SLC25A48: variants seen among roughly 807,000 people sequenced by gnomAD.
SLC25A48 encodes solute carrier family 25 member 48, also known as CTC-321K16.1.
A neutral mutation model predicts 32.2 loss-of-function variants in SLC25A48; 29 were observed. That is an observed-to-expected ratio of 0.90 (90% confidence interval 0.67 to 1.23). The LOEUF is 1.23. Among genes scored for constraint, SLC25A48 ranks in the 50% most tolerant of loss-of-function variants. The pLI, the probability that SLC25A48 is intolerant of heterozygous loss-of-function variation, is 0.00. For synonymous variants in SLC25A48, 164 were observed against 172.3 expected, an observed-to-expected ratio of 0.95 and a Z score of 0.38; for missense variants, 399 against 422.7, an observed-to-expected ratio of 0.94 and a Z score of 0.49.
chr5:135,696,068 T>C (rs1754260097), intron 3 of SLC25A48, among the ~76,000 whole-genome samples: 2 of 152,168 alleles, frequency 1.3e-5, no homozygotes, highest in Admixed American at 1.3e-4. Context: ...GGCATGGCAA[T>C]AGCATTAAAG....
intron 3 of SLC25A48, among the ~76,000 whole-genome samples, chr5:135,760,428 G>A (rs1756035307): frequency 1.3e-5 from 2 of 152,134 alleles, no homozygotes; most frequent in Non-Finnish European, 1.5e-5. Context: ...GCCAGAAAGT[G>A]GCTCCCCAAG....
chr5:135,604,963 G>A (rs779339614), intron 1 of SLC25A48, among the ~76,000 whole-genome samples: 1 of 152,176 alleles, frequency 6.6e-6, no homozygotes, highest in Non-Finnish European at 1.5e-5. Flanking sequence ...TGCTTATGAA[G>A]CACTTAAAAC....
At chr5:135,641,934 T>A (rs1016780818) in intron 3 of SLC25A48, among the ~76,000 whole-genome samples, 2 of 152,222 alleles carry the variant, frequency 1.3e-5, no homozygotes, top group Admixed American at 6.5e-5. Context: ...TCATATAGCC[T>A]CAGGCTATTG....
chr5:135,736,356 T>C (rs988772636), intron 3 of SLC25A48, among the ~76,000 whole-genome samples: 5 of 152,170 alleles, frequency 3.3e-5, no homozygotes, highest in Admixed American at 6.5e-5. Context: ...CAAGTTTGTA[T>C]TGGGGCCAAG....
intron 3 of SLC25A48, among the ~76,000 whole-genome samples, chr5:135,788,803 TG>T (rs1241900206): frequency 6.8e-6 from 1 of 147,410 alleles, no homozygotes; most frequent in African/African-American, 2.5e-5. Flanking sequence ...CCCCGTGTGG[TG>T]GTGGGGGATG....
Position 135,676,744 on chromosome 5 carries a change from T to C in SLC25A48, c.-521+41788T>C, listed in dbSNP as rs116166867. On this transcript the variant is annotated intron_variant, in intron 3 of 10. Transcript: ENST00000646290. ...AGGGGTTATTCAGGAGCATGTTGTT[T>C]AATTTCTATGTATTTGTACAGTCTC... Among the ~76,000 whole-genome samples the C allele has an allele frequency of 8.9e-3, 1,348 of 152,164 alleles. 20 individuals carry two copies. The highest frequency in any genetic ancestry group is 0.03 in the African/African-American group (1,263 of 41,586).
Position 135,874,718 on chromosome 5 carries a change from C to T in SLC25A48, c.813+564C>T, listed in dbSNP as rs146138485. ...TGTCTCCTCTGTTCTTCCTACAGCT[C>T]AAGAGCTTAACTTAACACACACCCC... On this transcript the variant is annotated intron_variant, in intron 6 of 7. Coordinates refer to ENST00000681962, the MANE Select transcript of SLC25A48 (RefSeq NM_001349336.2). 21 of 702,328 alleles carry T rather than the reference C, an allele frequency of 3.0e-5. No homozygotes were observed. The East Asian group carries it at 5.6e-4, about 19-fold the overall frequency. 43.5% of individuals were successfully genotyped at this position (702,328 alleles called of 1,614,324 possible).
At chr5:135,715,674 G>A (rs1754780566) in intron 3 of SLC25A48, among the ~76,000 whole-genome samples, 2 of 152,344 alleles carry the variant, frequency 1.3e-5, no homozygotes, top group East Asian at 3.9e-4. Flanking sequence ...GGCATTTGTA[G>A]GAGAAAACAA....
intron 3 of SLC25A48, among the ~76,000 whole-genome samples, chr5:135,789,345 T>C (rs376419684): frequency 6.8e-6 from 1 of 147,342 alleles, no homozygotes. Flanking sequence ...TGGCGGGGGG[T>C]GTACAACTTC....
chr5:135,855,586 A>G (rs562043555), intron 4 of SLC25A48, among the ~76,000 whole-genome samples: 26 of 152,234 alleles, frequency 1.7e-4, no homozygotes, highest in Non-Finnish European at 3.1e-4. Context: ...AGGTTTCTGC[A>G]GGCAAATATT....
chr5:135,856,663 G>A (rs568744546), intron 4 of SLC25A48, among the ~76,000 whole-genome samples: 8 of 152,344 alleles, frequency 5.3e-5, no homozygotes, highest in Admixed American at 3.3e-4. Context: ...ACACAGGGCC[G>A]GCAGTTCTTC....
At chr5:135,668,857 A>G (rs912352164) in intron 3 of SLC25A48, among the ~76,000 whole-genome samples, 1 of 152,212 alleles carries the variant, frequency 6.6e-6, no homozygotes, top group Non-Finnish European at 1.5e-5. Flanking sequence ...ATTTAACACA[A>G]TAGGTATATA....
chr5:135,730,101 A>T (rs980628148), intron 3 of SLC25A48, among the ~76,000 whole-genome samples: 5 of 152,196 alleles, frequency 3.3e-5, no homozygotes, highest in African/African-American at 9.7e-5. Context: ...GATAAATAAA[A>T]ATCACCATGA....
At chr5:135,617,280 A>G (rs968032547) in intron 1 of SLC25A48, among the ~76,000 whole-genome samples, 6 of 151,848 alleles carry the variant, frequency 4.0e-5, no homozygotes, top group African/African-American at 1.5e-4. Context: ...GATCTTTTGT[A>G]TTTATGTGGT....
At chr5:135,669,302 G>A (rs1753598142) in intron 3 of SLC25A48, among the ~76,000 whole-genome samples, 2 of 152,146 alleles carry the variant, frequency 1.3e-5, no homozygotes. Flanking sequence ...GGGCCTGGAG[G>A]TGGGAAAGGA....
At chr5:135,887,597 T>G (rs1762781815) in intron 7 of SLC25A48, among the ~76,000 whole-genome samples, 1 of 152,194 alleles carries the variant, frequency 6.6e-6, no homozygotes, top group African/African-American at 2.4e-5. Context: ...AATCCGCGTC[T>G]GGGAGTGCAC....
At chr5:135,588,884 T>C (rs769534700) in intron 1 of SLC25A48, among the ~76,000 whole-genome samples, 1 of 152,158 alleles carries the variant, frequency 6.6e-6, no homozygotes. Flanking sequence ...TTGGATTTGG[T>C]GCCTAGGTCT....
intron 3 of SLC25A48, among the ~76,000 whole-genome samples, chr5:135,756,362 C>G (rs988906976): frequency 6.6e-6 from 1 of 151,918 alleles, no homozygotes; most frequent in African/African-American, 2.4e-5. Context: ...ATGATATTTA[C>G]AATACCTAGT....
Position 135,742,149 on chromosome 5 carries a change from G to A in SLC25A48, c.-520-70374G>A, listed in dbSNP as rs376617350. On this transcript the variant is annotated intron_variant, in intron 3 of 10. Transcript: ENST00000646290. ...GGCTGGAGTACAGTGGCACAATTTC[G>A]ACTCACTGTAACCTCTACCTCCTGG... is the stretch of plus-strand genomic sequence containing the variant. Among the ~76,000 whole-genome samples the A allele has an allele frequency of 4.6e-5, 7 of 152,146 alleles. No individual in the cohort carries two copies. The South Asian group carries it at 6.2e-4, about 14-fold the overall frequency.
Sources: allele counts gnomAD v4.1 joint callset (sites outside exome capture counted in the v4.1 genomes callset), GRCh38; gene constraint gnomAD v4.1.1; transcripts MANE v1.5; gene names NCBI Gene and HGNC (gene_info 2026-07-23, HGNC 2026-07-21).